Variants in GPHN observed in about 807,000 individuals in gnomAD.
GPHN encodes gephyrin.
A neutral mutation model predicts 95.5 loss-of-function variants in GPHN; 17 were observed. The observed-to-expected ratio is 0.18, with a 90% CI of 0.12 to 0.27. The LOEUF (loss-of-function observed/expected upper bound fraction) is 0.27. Among genes scored for constraint, GPHN ranks in the 10% least tolerant of loss-of-function variants. The pLI, the probability that GPHN is intolerant of heterozygous loss-of-function variation, is 1.00. For synonymous variants in GPHN, 320 were observed against 322.5 expected (o/e 0.99, Z 0.08); for missense variants, 660 against 978.1 (o/e 0.67, Z 4.34).
the GPHN span, chr14:67,241,495 C>G: frequency 1.3e-5 from 2 of 153,094 alleles, no homozygotes; most frequent in African/African-American, 4.8e-5. Flanking sequence ...TGCGTAGGAG[C>G]GGCCGGGGCG....
Position 66,712,497 on chromosome 14 carries a change from G to A in GPHN, c.143+31312G>A, listed in dbSNP as rs143659884. ...TCTGGATGTTAGCCCTTTGTCAGAT[G>A]GGTAGATTGCAAAAATTTTCTCCCA... is the stretch of plus-strand genomic sequence containing the variant. On this transcript the variant is annotated intron_variant, in intron 2 of 22. Transcript: ENST00000478722. Among the ~76,000 whole-genome samples, 37 of 152,202 alleles carry A rather than the reference G, an allele frequency of 2.4e-4. No homozygotes were observed. In the East Asian group the frequency reaches 7.2e-3, roughly 29 times the overall value.
chr14:67,396,578 C>CT, the GPHN span, among the ~76,000 whole-genome samples: 1 of 91,196 alleles, frequency 1.1e-5, no homozygotes, highest in Admixed American at 1.3e-4. Context: ...ACTGGAGGCC[C>CT]TTCTCCCCAG....
chr14:66,680,821 A>G (rs192062977), intron 1 of GPHN, among the ~76,000 whole-genome samples: 1 of 152,198 alleles, frequency 6.6e-6, no homozygotes, highest in East Asian at 1.9e-4. Flanking sequence ...TAATCTTGTA[A>G]CAGTAAGAAC....
the GPHN span, among the ~76,000 whole-genome samples, chr14:67,275,420 G>T: frequency 2.0e-5 from 3 of 152,212 alleles, no homozygotes; most frequent in Admixed American, 2.0e-4. Flanking sequence ...GCTGGATTAC[G>T]TTTATTGATT....
At chr14:67,225,681 T>C in the GPHN span, among the ~76,000 whole-genome samples, 3 of 152,228 alleles carry the variant, frequency 2.0e-5, no homozygotes, top group Non-Finnish European at 4.4e-5. Flanking sequence ...TGTACAGTTA[T>C]GTAGCTTGTA....
chr14:66,814,183 A>G (rs1418138029), intron 3 of GPHN, among the ~76,000 whole-genome samples: 1 of 152,090 alleles, frequency 6.6e-6, no homozygotes, highest in Non-Finnish European at 1.5e-5. Context: ...CCACCCTTGC[A>G]CTAACATTGC....
At chr14:67,550,117 G>C in the GPHN span, among the ~76,000 whole-genome samples, 1 of 146,390 alleles carries the variant, frequency 6.8e-6, no homozygotes, top group Admixed American at 6.9e-5. Flanking sequence ...TATGTATTTG[G>C]AAATAAGCAT....
chr14:67,639,284 T>G, the GPHN span, among the ~76,000 whole-genome samples: 1 of 152,212 alleles, frequency 6.6e-6, no homozygotes, highest in Admixed American at 6.5e-5. Context: ...CCCAAAGTTC[T>G]GTGACTTATC....
intron 8 of GPHN, among the ~76,000 whole-genome samples, chr14:66,951,991 T>C (rs2068138727): frequency 6.6e-6 from 1 of 152,212 alleles, no homozygotes; most frequent in Non-Finnish European, 1.5e-5. Context: ...TTTATTATGC[T>C]GGATTAAGAA....
At chr14:67,699,193 C>T in the GPHN span, among the ~76,000 whole-genome samples, 16 of 151,432 alleles carry the variant, frequency 1.1e-4, no homozygotes, top group South Asian at 3.3e-3. Flanking sequence ...GCAGAGGTTT[C>T]AATGAGCCAA....
chr14:66,875,215 T>C (rs980432787), intron 4 of GPHN, among the ~76,000 whole-genome samples: 3 of 152,090 alleles, frequency 2.0e-5, no homozygotes, highest in Admixed American at 6.5e-5. Flanking sequence ...GCTGAGACAA[T>C]TTGTCATCAC....
At chr14:67,150,653 A>G (rs2081226375) in intron 18 of GPHN, among the ~76,000 whole-genome samples, 1 of 152,052 alleles carries the variant, frequency 6.6e-6, no homozygotes. Flanking sequence ...ATTGATGTAA[A>G]TAAGAGAAAG....
chr14:67,053,470 A>G (rs1842242865), intron 10 of GPHN, among the ~76,000 whole-genome samples: 1 of 152,192 alleles, frequency 6.6e-6, no homozygotes, highest in African/African-American at 2.4e-5. Flanking sequence ...GGCAGTAATT[A>G]ATAGCCTACC....
At chr14:66,645,438 G>T (rs570995164) in intron 1 of GPHN, among the ~76,000 whole-genome samples, 2 of 152,094 alleles carry the variant, frequency 1.3e-5, no homozygotes, top group South Asian at 4.2e-4. Context: ...TGTAATCCCA[G>T]CGCTTTGGGA....
At chr14:67,343,674 G>A in the GPHN span, among the ~76,000 whole-genome samples, 2 of 152,156 alleles carry the variant, frequency 1.3e-5, no homozygotes, top group African/African-American at 2.4e-5. Context: ...AGACCAGCCT[G>A]GGCAACACAA....
the GPHN span, among the ~76,000 whole-genome samples, chr14:67,229,565 A>C: frequency 6.6e-6 from 1 of 152,222 alleles, no homozygotes; most frequent in Non-Finnish European, 1.5e-5. Flanking sequence ...TGGTAGGGCT[A>C]CATTTTTCAC....
the GPHN span, chr14:67,471,549 A>G: frequency 6.6e-6 from 1 of 152,152 alleles, no homozygotes; most frequent in Admixed American, 6.5e-5. Flanking sequence ...AAAGCCCTGG[A>G]ATTGGGGCCA....
At chr14:67,495,875 C>A in the GPHN span, among the ~76,000 whole-genome samples, 1 of 152,244 alleles carries the variant, frequency 6.6e-6, no homozygotes, top group Non-Finnish European at 1.5e-5. Flanking sequence ...ATGTTCCTAC[C>A]TTCTGATCTC....
the GPHN span, chr14:67,392,980 C>T: frequency 6.1e-5 from 53 of 867,442 alleles, no homozygotes; most frequent in Non-Finnish European, 8.3e-5. Flanking sequence ...CTGAAGGCCA[C>T]ACCTGCTGCA....
Sources: gnomAD v4.1 joint callset for allele counts (sites outside exome capture counted in the v4.1 genomes callset) on GRCh38, gnomAD v4.1.1 for gene constraint, MANE v1.5 for transcripts, NCBI Gene and HGNC (gene_info 2026-07-23, HGNC 2026-07-21) for gene names.